The following HCN1 variants were observed in gnomAD, a reference collection of about 807,000 sequenced individuals.
HCN1 encodes the protein potassium/sodium hyperpolarization-activated cyclic nucleotide-gated channel 1.
Under a neutral mutation model 78.9 loss-of-function variants are expected in HCN1, and 13 were observed. The observed-to-expected ratio is 0.16, with a 90% CI of 0.11 to 0.26. The LOEUF (loss-of-function observed/expected upper bound fraction) is 0.26. Ranked by LOEUF, HCN1 falls within the 10% of genes least tolerant of loss-of-function variation. The probability of loss-of-function intolerance (pLI) is 1.00; values close to 1 mark genes in which losing one functional copy is unlikely to be tolerated. For missense variants in HCN1, 810 were observed against 1,154.3 expected, an observed-to-expected ratio of 0.70 and a Z score of 4.32; for synonymous variants, 552 against 455.5, an observed-to-expected ratio of 1.21 and a Z score of -2.70.
At chr5:45,311,153 C>T (rs1256130721) in intron 5 of HCN1, among the ~76,000 whole-genome samples, 2 of 152,130 alleles carry the variant, frequency 1.3e-5, no homozygotes, top group Non-Finnish European at 2.9e-5. Flanking sequence ...CCTGCACATG[C>T]ACCCTTGAAC....
intron 3 of HCN1, among the ~76,000 whole-genome samples, chr5:45,444,911 G>A (rs950366134): frequency 6.6e-6 from 1 of 152,100 alleles, no homozygotes; most frequent in African/African-American, 2.4e-5. Flanking sequence ...GAGCCAAGAT[G>A]GCCGAATAGG....
In HCN1 at chr5:45,353,129, G is replaced by A. The variant is rs146123836; in HGVS notation, c.1348C>T (p.Leu450Phe). 6 of 1,611,110 alleles carry A rather than the reference G, an allele frequency of 3.7e-6. No homozygotes were observed. The highest frequency in any genetic ancestry group is 5.1e-6 in the Non-Finnish European group (6 of 1,178,218). The part of the protein sequence containing the change: ...QGKIFDEENI[L>F]NELNDPLREE... ...CTCAGAGGATCATTGAGTTCATTGA[G>A]AATATTTTCCTCATCAAAGATTTTG... The change falls in exon 5 of 8, where the codon CTC becomes TTC. Residue 450 changes from leucine (L) to phenylalanine (F), a missense_variant. Leu to Phe is a conservative substitution (Grantham distance 22, BLOSUM62 0). Transcript: ENST00000303230.
At chr5:45,523,478 G>A (rs1197447290) in intron 2 of HCN1, among the ~76,000 whole-genome samples, 10 of 152,156 alleles carry the variant, frequency 6.6e-5, no homozygotes, top group Admixed American at 2.0e-4. Flanking sequence ...CCCACCAACA[G>A]TGTAAAAGTG....
intron 3 of HCN1, among the ~76,000 whole-genome samples, chr5:45,433,727 G>A (rs992072346): frequency 6.6e-6 from 1 of 152,032 alleles, no homozygotes. Context: ...TTTTGTTGAA[G>A]GTTCAAATGC....
intron 6 of HCN1, among the ~76,000 whole-genome samples, chr5:45,282,052 T>C (rs1355610224): frequency 1.1e-4 from 17 of 152,222 alleles, no homozygotes; most frequent in Admixed American, 1.1e-3. Context: ...GAAAACTGAA[T>C]AAAATATGCC....
intron 3 of HCN1, among the ~76,000 whole-genome samples, chr5:45,399,358 A>G (rs1739749367): frequency 6.6e-6 from 1 of 152,338 alleles, no homozygotes; most frequent in South Asian, 2.1e-4. Context: ...TCTGCTGCTC[A>G]TGTTCACACC....
chr5:45,415,717 A>G (rs1740104593), intron 3 of HCN1, among the ~76,000 whole-genome samples: 1 of 152,038 alleles, frequency 6.6e-6, no homozygotes. Flanking sequence ...CTAAATGGCC[A>G]CAGCACTTGT....
chr5:45,354,977 T>C (rs779483464), intron 4 of HCN1, among the ~76,000 whole-genome samples: 2 of 152,026 alleles, frequency 1.3e-5, no homozygotes, highest in African/African-American at 2.4e-5. Flanking sequence ...ATCTGCTCTA[T>C]CTCTGTCTCT....
At chr5:45,383,858 G>A (rs1747863699) in intron 4 of HCN1, among the ~76,000 whole-genome samples, 4 of 151,928 alleles carry the variant, frequency 2.6e-5, no homozygotes, top group African/African-American at 9.7e-5. Flanking sequence ...AAGAATCACA[G>A]ATTCTCTTGC....
intron 1 of HCN1, among the ~76,000 whole-genome samples, chr5:45,663,984 T>C (rs1343789656): frequency 6.9e-5 from 10 of 144,188 alleles, no homozygotes; most frequent in South Asian, 2.4e-4. Context: ...CTATAAATCA[T>C]GCTGCTATAA....
At chr5:45,603,228 C>T (rs1482742019) in intron 2 of HCN1, among the ~76,000 whole-genome samples, 2 of 151,980 alleles carry the variant, frequency 1.3e-5, no homozygotes, top group Admixed American at 1.3e-4. Flanking sequence ...GCCAAGCATA[C>T]CTTTTCCAAC....
Position 45,262,236 on chromosome 5 carries a change from G to C in HCN1, c.2358C>G (p.Leu786=). ...GGGGCAGCGAGGGCTGCGAGGCGGA[G>C]AGTGGCCTGACTTCCCGGGTCAGGT... ...NTNLTREVRP[L]SASQPSLPHE... Residue 786 remains leucine, a synonymous_variant, in exon 8 of 8, where the codon CTC becomes CTG. Transcript: ENST00000303230. The C allele has an allele frequency of 6.2e-7, 1 of 1,614,044 alleles. No homozygotes were observed. The highest frequency in any genetic ancestry group is 8.5e-7 in the Non-Finnish European group (1 of 1,180,038).
intron 2 of HCN1, among the ~76,000 whole-genome samples, chr5:45,468,446 A>T (rs1455209788): frequency 6.6e-6 from 1 of 152,040 alleles, no homozygotes; most frequent in Non-Finnish European, 1.5e-5. Flanking sequence ...AATTTTAGAC[A>T]TTTCAGTTAT....
At chr5:45,342,463 C>T (rs530521990) in intron 5 of HCN1, among the ~76,000 whole-genome samples, 2 of 151,212 alleles carry the variant, frequency 1.3e-5, no homozygotes, top group African/African-American at 4.9e-5. Flanking sequence ...GTCTTAAACT[C>T]CTGACCACAG....
chr5:45,572,124 A>T (rs1363807132), intron 2 of HCN1, among the ~76,000 whole-genome samples: 2 of 152,118 alleles, frequency 1.3e-5, no homozygotes, highest in African/African-American at 4.8e-5. Flanking sequence ...ATCTATTGTT[A>T]TCCTCCTTTC....
intron 6 of HCN1, among the ~76,000 whole-genome samples, chr5:45,270,085 G>A (rs1052968381): frequency 6.6e-6 from 1 of 152,170 alleles, no homozygotes; most frequent in East Asian, 1.9e-4. Context: ...ATGATGCCAA[G>A]GCACTGTGCC....
At chr5:45,583,870 T>C (rs1327544858) in intron 2 of HCN1, among the ~76,000 whole-genome samples, 5 of 152,224 alleles carry the variant, frequency 3.3e-5, no homozygotes, top group Non-Finnish European at 7.3e-5. Flanking sequence ...TCTAGTTTGA[T>C]TGCAAAATCT....
At chr5:45,454,380 C>T (rs1316620312) in intron 3 of HCN1, among the ~76,000 whole-genome samples, 2 of 151,676 alleles carry the variant, frequency 1.3e-5, no homozygotes, top group Non-Finnish European at 2.9e-5. Context: ...AGGCTGCTGA[C>T]CTACTTTATT....
Position 45,648,286 on chromosome 5 carries a change from C to A in HCN1, c.426-2678G>T, listed in dbSNP as rs549522771. Among the ~76,000 whole-genome samples, 225 of 152,188 alleles carry A rather than the reference C, an allele frequency of 1.5e-3. 1 individual carries two copies. The highest frequency in any genetic ancestry group is 2.8e-3 in the Non-Finnish European group (189 of 68,010). On this transcript the variant is annotated intron_variant, in intron 1 of 7. Transcript: ENST00000303230. Reference sequence around the variant, plus strand: ...TTTGAAGGAAAACTAATATCCCATCCCTCAGAGCAATAGAGATGAAAAGAA... The same window carrying A: ...TTTGAAGGAAAACTAATATCCCATCACTCAGAGCAATAGAGATGAAAAGAA...
Sources: allele counts gnomAD v4.1 joint callset (sites outside exome capture counted in the v4.1 genomes callset), GRCh38; gene constraint gnomAD v4.1.1; transcripts MANE v1.5; gene names NCBI Gene and HGNC (gene_info 2026-07-23, HGNC 2026-07-21).